Variants in RGS6 observed in about 807,000 individuals in gnomAD.
RGS6 encodes the protein regulator of G protein signaling 6.
Under a neutral mutation model 78.5 loss-of-function variants are expected in RGS6, and 30 were observed. That is an observed-to-expected ratio of 0.38 (90% CI 0.29 to 0.52). RGS6 has a LOEUF of 0.52. Ranked by LOEUF, RGS6 falls within the 20% of genes least tolerant of loss-of-function variation. The pLI, the probability that RGS6 is intolerant of heterozygous loss-of-function variation, is 0.85. For synonymous variants in RGS6, 206 were observed against 206.0 expected (o/e 1.00, Z 0.00); for missense variants, 495 against 609.7 (o/e 0.81, Z 1.98).
chr14:72,170,255 G>A (rs545120829), intron 2 of RGS6, among the ~76,000 whole-genome samples: 1 of 152,336 alleles, frequency 6.6e-6, no homozygotes, highest in South Asian at 2.1e-4. Context: ...TGTCCAAAAT[G>A]TTTAATACAG....
chr14:72,016,925 G>T (rs150996864), intron 2 of RGS6, among the ~76,000 whole-genome samples: 1 of 152,130 alleles, frequency 6.6e-6, no homozygotes, highest in Non-Finnish European at 1.5e-5. Context: ...TACAACTATG[G>T]TATAGCTATG....
chr14:72,503,512 A>G (rs2096756396), intron 13 of RGS6, among the ~76,000 whole-genome samples: 1 of 152,090 alleles, frequency 6.6e-6, no homozygotes, highest in Non-Finnish European at 1.5e-5. Flanking sequence ...AAACCAAACA[A>G]GTTATGTGCT....
At chr14:71,916,221 T>C in the RGS6 span, among the ~76,000 whole-genome samples, 1 of 152,050 alleles carries the variant, frequency 6.6e-6, no homozygotes, top group Non-Finnish European at 1.5e-5. Flanking sequence ...GAAGGCAAAA[T>C]AGATTGAAAA....
chr14:72,499,949 G>A (rs1166976696), intron 13 of RGS6, among the ~76,000 whole-genome samples: 1 of 152,212 alleles, frequency 6.6e-6, no homozygotes, highest in Non-Finnish European at 1.5e-5. Context: ...GGCACCGTGT[G>A]GGCTGGAGGG....
At chr14:72,096,572 G>A (rs1182099417) in intron 2 of RGS6, among the ~76,000 whole-genome samples, 1 of 152,134 alleles carries the variant, frequency 6.6e-6, no homozygotes, top group East Asian at 1.9e-4. Context: ...TCTAGACATA[G>A]GTTTTGTGGG....
At chr14:71,892,821 G>A in the RGS6 span, among the ~76,000 whole-genome samples, 1 of 152,190 alleles carries the variant, frequency 6.6e-6, no homozygotes, top group Admixed American at 6.5e-5. Context: ...TTTCTATAAA[G>A]TACAATGGCA....
intron 1 of RGS6, among the ~76,000 whole-genome samples, chr14:71,940,960 G>A (rs1052642286): frequency 6.6e-6 from 1 of 152,160 alleles, no homozygotes; most frequent in Non-Finnish European, 1.5e-5. Context: ...CACTCACAGT[G>A]GGCCGCCTTT....
intron 2 of RGS6, among the ~76,000 whole-genome samples, chr14:72,151,169 T>C (rs554057827): frequency 6.6e-6 from 1 of 152,134 alleles, no homozygotes; most frequent in Non-Finnish European, 1.5e-5. Flanking sequence ...GTCCATTCAA[T>C]GTATGAGGTG....
chr14:72,044,484 C>T (rs2092681038), intron 2 of RGS6, among the ~76,000 whole-genome samples: 1 of 152,180 alleles, frequency 6.6e-6, no homozygotes, highest in Admixed American at 6.5e-5. Context: ...CTCCCCTTCT[C>T]TCTCTTCCTT....
chr14:71,981,980 A>G (rs1228323663), intron 2 of RGS6, among the ~76,000 whole-genome samples: 3 of 151,354 alleles, frequency 2.0e-5, no homozygotes, highest in South Asian at 2.1e-4. Context: ...GTGGGATATA[A>G]TCTCGTGGTG....
chr14:72,197,236 T>A (rs1429585947), intron 2 of RGS6, among the ~76,000 whole-genome samples: 1 of 152,170 alleles, frequency 6.6e-6, no homozygotes, highest in East Asian at 1.9e-4. Flanking sequence ...TGGCTGATTT[T>A]TGTATTTTTA....
intron 2 of RGS6, among the ~76,000 whole-genome samples, chr14:72,223,595 C>A (rs1453992318): frequency 6.6e-6 from 1 of 152,128 alleles, no homozygotes; most frequent in African/African-American, 2.4e-5. Context: ...GGAAAGTTTG[C>A]CTGGAATGGC....
chr14:72,594,800 C>A, the RGS6 span: 3 of 152,164 alleles, frequency 2.0e-5, no homozygotes, highest in Admixed American at 2.0e-4. Context: ...AGAGTCATCC[C>A]GTGCAGAAAA....
Position 72,117,166 on chromosome 14 carries a change from TGAAATAGCAAAAAGGCTGG to T in RGS6, c.84+152294_84+152312del, listed in dbSNP as rs1159909579. 2.0e-5 allele frequency among the ~76,000 whole-genome samples: 3 copies of T among 152,048 alleles called. No homozygotes were observed. In the Middle Eastern group the frequency reaches 0.01, roughly 517 times the overall value. On this transcript the variant is annotated intron_variant, in intron 2 of 17. Coordinates refer to ENST00000553525, the MANE Select transcript of RGS6 (RefSeq NM_001204424.2). ...CTGGAGGGGAACAAATGTGGCATGT[TGAAATAGCAAAAAGGCTGG>T]GAGACTTGCAGCATGGGTGATATGG... is the stretch of plus-strand genomic sequence containing the variant.
chr14:72,185,489 A>C (rs185948385), intron 2 of RGS6, among the ~76,000 whole-genome samples: 9 of 152,220 alleles, frequency 5.9e-5, no homozygotes, highest in Non-Finnish European at 1.3e-4. Flanking sequence ...AAGTCCTCTC[A>C]ATAACAAATT....
chr14:72,517,265 A>T (rs969376887), intron 14 of RGS6, among the ~76,000 whole-genome samples: 2 of 152,078 alleles, frequency 1.3e-5, no homozygotes, highest in African/African-American at 4.8e-5. Flanking sequence ...TGTTGACTAG[A>T]CTACCTGTGA....
intron 2 of RGS6, among the ~76,000 whole-genome samples, chr14:72,138,805 G>C (rs1388099731): frequency 6.6e-6 from 1 of 152,120 alleles, no homozygotes; most frequent in Non-Finnish European, 1.5e-5. Context: ...TCTAATGCCT[G>C]ATGATCTGTC....
intron 3 of RGS6, among the ~76,000 whole-genome samples, chr14:72,448,593 A>C (rs2095422626): frequency 6.6e-6 from 1 of 152,226 alleles, no homozygotes; most frequent in South Asian, 2.1e-4. Context: ...TATGCTATTT[A>C]CAACATAGGA....
intron 2 of RGS6, among the ~76,000 whole-genome samples, chr14:72,045,976 G>A (rs187894128): frequency 6.0e-4 from 92 of 152,220 alleles, no homozygotes; most frequent in African/African-American, 1.9e-3. Context: ...GGTAGGCTGC[G>A]TGTGGAGGTA....
Sources: gnomAD v4.1 joint callset for allele counts (sites outside exome capture counted in the v4.1 genomes callset) on GRCh38, gnomAD v4.1.1 for gene constraint, MANE v1.5 for transcripts, NCBI Gene and HGNC (gene_info 2026-07-23, HGNC 2026-07-21) for gene names.